Variants in MCC observed in about 807,000 individuals in gnomAD.
The protein encoded by MCC is MCC regulator of Wnt signaling pathway.
Under a neutral mutation model 116.2 loss-of-function variants are expected in MCC, and 90 were observed. The ratio of observed to expected loss-of-function variants is 0.77; its 90% CI spans 0.65 to 0.92. The LOEUF (loss-of-function observed/expected upper bound fraction) is 0.92, where lower values mean the gene tolerates loss of function less well. MCC is among the 40% of genes least tolerant of loss of function. The pLI is 0.00. For synonymous variants in MCC, 578 were observed against 510.5 expected (o/e 1.13, Z -1.78); for missense variants, 1,516 against 1,312.2 (o/e 1.16, Z -2.40).
intron 1 of MCC, among the ~76,000 whole-genome samples, chr5:113,395,645 T>TGA (rs1407934009): frequency 6.6e-6 from 1 of 152,204 alleles, no homozygotes; most frequent in African/African-American, 2.4e-5. Context: ...CTTTAAATAC[T>TGA]GAAGGCTTCA....
At chr5:113,046,251 T>G (rs1360614457) in intron 16 of MCC, among the ~76,000 whole-genome samples, 15 of 152,154 alleles carry the variant, frequency 9.9e-5, no homozygotes, top group Admixed American at 2.0e-4. Flanking sequence ...GTGGTGCGGC[T>G]GCACGACCTT....
chr5:113,300,940 C>A (rs145906595), intron 3 of MCC, among the ~76,000 whole-genome samples: 1 of 152,324 alleles, frequency 6.6e-6, no homozygotes, highest in East Asian at 1.9e-4. Context: ...ACATGGACAA[C>A]CTGCAAGGAA....
At chr5:113,083,827 A>G (rs1047533673) in intron 10 of MCC, among the ~76,000 whole-genome samples, 7 of 152,208 alleles carry the variant, frequency 4.6e-5, no homozygotes, top group African/African-American at 9.7e-5. Flanking sequence ...ACTTTCATCT[A>G]TATCACCAAG....
chr5:113,230,560 T>C (rs73778991), intron 3 of MCC, among the ~76,000 whole-genome samples: 7,075 of 152,274 alleles, frequency 0.046, 552 homozygotes, highest in African/African-American at 0.16. Context: ...CACACTGACT[T>C]TTCAATTCAG....
chr5:113,083,041 C>T, intron 10 of MCC, 33 bp from the exon 11 acceptor site: 1 of 1,590,234 alleles, frequency 6.3e-7, no homozygotes, highest in South Asian at 1.1e-5. Context: ...CCCTTTGGAA[C>T]ATATCATTTC....
At chr5:113,140,320 T>C (rs559283190) in intron 5 of MCC, among the ~76,000 whole-genome samples, 38 of 152,232 alleles carry the variant, frequency 2.5e-4, no homozygotes, top group Non-Finnish European at 4.1e-4. Flanking sequence ...GGAGGGAGAA[T>C]TGTTTCTGTA....
chr5:113,100,464 CTTTTTTTTTTTTTTT>C (rs10649958), intron 8 of MCC, among the ~76,000 whole-genome samples: 23 of 78,846 alleles, frequency 2.9e-4, no homozygotes, highest in African/African-American at 9.7e-4. Context: ...GTATTTTTCC[CTTTTTTTTTTTTTTT>C]TTTTTTTTTG....
intron 1 of MCC, among the ~76,000 whole-genome samples, chr5:113,415,191 C>A (rs979984075): frequency 3.9e-5 from 6 of 152,146 alleles, no homozygotes; most frequent in Non-Finnish European, 8.8e-5. Context: ...TCTCTGGCTG[C>A]CCTTAACATT....
At chr5:113,153,794 T>A (rs577438383) in intron 3 of MCC, among the ~76,000 whole-genome samples, 8 of 152,218 alleles carry the variant, frequency 5.3e-5, no homozygotes, top group Non-Finnish European at 1.0e-4. Context: ...TCATGTGTCA[T>A]CATCACAGAT....
chr5:113,275,565 C>A (rs898619640), intron 3 of MCC, among the ~76,000 whole-genome samples: 6 of 152,202 alleles, frequency 3.9e-5, no homozygotes, highest in African/African-American at 1.4e-4. Flanking sequence ...CTTTGCAAAA[C>A]AGATTAATAC....
intron 1 of MCC, among the ~76,000 whole-genome samples, chr5:113,467,670 C>CT (rs1771953357): frequency 6.6e-6 from 1 of 152,050 alleles, no homozygotes; most frequent in South Asian, 2.1e-4. Flanking sequence ...GACACGGGCT[C>CT]TTTTTTGTTT....
chr5:113,127,608 T>C (rs116767037), intron 5 of MCC, among the ~76,000 whole-genome samples: 3,649 of 152,330 alleles, frequency 0.024, 65 homozygotes, highest in Non-Finnish European at 0.035. Context: ...AGCAGCAATA[T>C]TGAGCTTTTT....
chr5:113,102,057 C>T (rs774387485), intron 7 of MCC, 112 bp from the exon 8 acceptor site: 30 of 996,836 alleles, frequency 3.0e-5, no homozygotes, highest in Non-Finnish European at 4.1e-5. Flanking sequence ...GTTCTAGAAC[C>T]ACTTTGTTAT....
intron 17 of MCC, among the ~76,000 whole-genome samples, chr5:113,032,125 C>T (rs527889182): frequency 1.7e-4 from 26 of 152,292 alleles, no homozygotes; most frequent in Admixed American, 4.6e-4. Flanking sequence ...ATACTGATTA[C>T]AGGGGCCGGG....
At chr5:113,239,588 A>T (rs770639192) in intron 3 of MCC, among the ~76,000 whole-genome samples, 1 of 152,158 alleles carries the variant, frequency 6.6e-6, no homozygotes, top group Non-Finnish European at 1.5e-5. Flanking sequence ...CTCAGCCATA[A>T]CTAAGAAGGA....
chr5:113,046,730 G>T (rs1421648026), intron 16 of MCC, among the ~76,000 whole-genome samples: 1 of 124,028 alleles, frequency 8.1e-6, no homozygotes, highest in Non-Finnish European at 1.8e-5. Flanking sequence ...TTTTGAAGGT[G>T]TTTGTATGGA....
chr5:113,227,658 A>G (rs1763794923), intron 3 of MCC, among the ~76,000 whole-genome samples: 1 of 152,258 alleles, frequency 6.6e-6, no homozygotes, highest in Non-Finnish European at 1.5e-5. Flanking sequence ...AAGCATGTCT[A>G]GAACAAACAA....
In MCC at chr5:113,446,108, A is replaced by T. The variant is rs376722424; in HGVS notation, c.170+42137T>A. 2.6e-5 allele frequency among the ~76,000 whole-genome samples: 4 copies of T among 152,378 alleles called. No individual in the cohort carries two copies. In the East Asian group the frequency reaches 5.8e-4, roughly 22 times the overall value. On this transcript the variant is annotated intron_variant, in intron 1 of 18. Coordinates refer to ENST00000408903, the MANE Select transcript of MCC (RefSeq NM_001085377.2). ...TATAAAAATTAACTCAAGATGGATT[A>T]CAGTTTTAAATGTAAAACCTCAAAC...
chr5:113,450,031 T>C (rs1384630294), intron 1 of MCC, among the ~76,000 whole-genome samples: 2 of 152,218 alleles, frequency 1.3e-5, no homozygotes, highest in East Asian at 3.8e-4. Context: ...ATTTGCAGTG[T>C]ATTTTACACT....
Sources: allele counts gnomAD v4.1 joint callset (sites outside exome capture counted in the v4.1 genomes callset), GRCh38; gene constraint gnomAD v4.1.1; transcripts MANE v1.5; gene names NCBI Gene and HGNC (gene_info 2026-07-23, HGNC 2026-07-21).